PCDHGA3: variants seen among roughly 807,000 people sequenced by gnomAD.
PCDHGA3 encodes protocadherin gamma-A3.
A neutral mutation model predicts 58.5 loss-of-function variants in PCDHGA3; 40 were observed. That is an observed-to-expected ratio of 0.68 (90% CI 0.53 to 0.89). The LOEUF (loss-of-function observed/expected upper bound fraction) is 0.89, where lower values mean the gene tolerates loss of function less well. Among genes scored for constraint, PCDHGA3 ranks in the 40% least tolerant of loss-of-function variants. The pLI is 0.00. For synonymous variants in PCDHGA3, 530 were observed against 525.7 expected (o/e 1.01, Z -0.11); for missense variants, 1,223 against 1,195.9 (o/e 1.02, Z -0.33).
At chr5:141,408,712 T>G in intron 1 of PCDHGA3, 1 of 1,612,332 alleles carries the variant, frequency 6.2e-7, no homozygotes, top group Non-Finnish European at 8.5e-7. Flanking sequence ...TTAAAGATTA[T>G]AAGATAAACT....
intron 1 of PCDHGA3, chr5:141,357,104 G>A: frequency 6.2e-7 from 1 of 1,613,888 alleles, no homozygotes; most frequent in South Asian, 1.1e-5. Flanking sequence ...CTGCTGGACA[G>A]AGACGCGCTC....
intron 3 of PCDHGA3, among the ~76,000 whole-genome samples, chr5:141,506,300 T>G (rs2099852124): frequency 6.6e-6 from 1 of 151,976 alleles, no homozygotes; most frequent in East Asian, 1.9e-4. Flanking sequence ...AATACAAAAA[T>G]TAGCTGGGCA....
chr5:141,357,080 G>T (rs1760455892), intron 1 of PCDHGA3: 2 of 1,613,924 alleles, frequency 1.2e-6, no homozygotes, highest in Non-Finnish European at 1.7e-6. Context: ...GGCGAGGTGC[G>T]CACCGCACGG....
chr5:141,428,156 C>G, intron 1 of PCDHGA3: 2 of 1,579,884 alleles, frequency 1.3e-6, no homozygotes, highest in Non-Finnish European at 1.7e-6. Flanking sequence ...CGGGAACCTG[C>G]TGGTTGCTGT....
In PCDHGA3 at chr5:141,345,433, G is replaced by T. The variant is rs1297529679; in HGVS notation, c.1400G>T (p.Arg467Ile). 6.2e-7 allele frequency: 1 copy of T among 1,613,934 alleles called. No homozygotes were observed. Among genetic ancestry groups the T allele is most frequent in the African/African-American group, 1.3e-5 (1 of 74,926 alleles). The stretch of plus-strand genomic sequence containing the variant: ...GCCTACATTCCAGAAAACAACCCCA[G>T]AGGAGCCTCCATCTTCTCAGTGACA... ...YSAYIPENNP[R>I]GASIFSVTAQ... The change falls in exon 1 of 4, where the codon AGA becomes ATA. Residue 467 changes from arginine to isoleucine, a missense_variant. Physicochemically the swap from Arg to Ile is moderately conservative, Grantham distance 97 (BLOSUM62 -3). Transcript: ENST00000253812.
At chr5:141,452,792 A>AT (rs745523252) in intron 1 of PCDHGA3, among the ~76,000 whole-genome samples, 15 of 152,178 alleles carry the variant, frequency 9.9e-5, no homozygotes, top group Admixed American at 2.0e-4. Context: ...ACATACCATC[A>AT]TTTTTGCTGT....
chr5:141,371,160 C>T, intron 1 of PCDHGA3: 4 of 1,614,022 alleles, frequency 2.5e-6, no homozygotes, highest in Non-Finnish European at 2.5e-6. Context: ...AGAGAACCTG[C>T]CCGCTGGCTC....
At chr5:141,361,998 G>A in intron 1 of PCDHGA3, 4 of 1,603,340 alleles carry the variant, frequency 2.5e-6, no homozygotes, top group Non-Finnish European at 2.5e-6. Flanking sequence ...GCCTGGGGTT[G>A]CGCACGGGTG....
At chr5:141,458,617 T>A (rs1392739721) in intron 1 of PCDHGA3, among the ~76,000 whole-genome samples, 6 of 152,170 alleles carry the variant, frequency 3.9e-5, no homozygotes, top group Non-Finnish European at 8.8e-5. Flanking sequence ...TCAGCCAGGC[T>A]GGAGTGCAGT....
rs1344567118 is a variant in PCDHGA3 at position 141,346,258 on chromosome 5, G to A, written c.2225G>A (p.Gly742Asp). 1.2e-6 allele frequency: 2 copies of A among 1,614,092 alleles called. No individual in the cohort carries two copies. Among genetic ancestry groups the A allele is most frequent in the African/African-American group, 1.3e-5 (1 of 74,950 alleles). ...AGTACGCCCGGCTCGCACTTTGTGGGCGCGGACGGGGTTCGGGCTTTCCTG... is the reference window on the plus strand; with the variant it reads ...AGTACGCCCGGCTCGCACTTTGTGGACGCGGACGGGGTTCGGGCTTTCCTG... ...LASTPGSHFVGADGVRAFLQT... is the reference protein window; with the variant it reads ...LASTPGSHFVDADGVRAFLQT... The change falls in exon 1 of 4, where the codon GGC becomes GAC. Residue 742 changes from glycine (G) to aspartate (D), a missense_variant. Around this residue, in one of 3 missense-constraint regions of PCDHGA3, gnomAD observed 325 missense variants for 327.5 expected, o/e 0.99. Coordinates refer to ENST00000253812, the MANE Select transcript of PCDHGA3 (RefSeq NM_018916.4).
At chr5:141,376,815 T>C in intron 1 of PCDHGA3, 1 of 299,046 alleles carries the variant, frequency 3.3e-6, no homozygotes, top group Admixed American at 4.9e-5. Context: ...GCCTCCCTAG[T>C]AGCTGGGACT....
Position 141,485,261 on chromosome 5 carries a change from C to G in PCDHGA3, c.2425-9546C>G, listed in dbSNP as rs759268725. 1 of 1,614,076 alleles carries G rather than the reference C, an allele frequency of 6.2e-7. No homozygotes were observed. The highest frequency in any genetic ancestry group is 8.5e-7 in the Non-Finnish European group (1 of 1,179,904). On this transcript the variant is annotated intron_variant, in intron 1 of 3. Transcript: ENST00000253812. This position sits in a 1 kb window ranked among gnomAD's most constrained non-coding sequence, Gnocchi z 5.7. The stretch of plus-strand genomic sequence containing the variant: ...TTACCACCTGGGTTACGTTTGTGGG[C>G]AGATCCGCTACCCGGTCCCAGAGGA...
At chr5:141,399,562 T>TTGAACGGCCAAGTCTCCTACTCTATCA in intron 1 of PCDHGA3, 1 of 1,614,016 alleles carries the variant, frequency 6.2e-7, no homozygotes, top group Non-Finnish European at 8.5e-7. Context: ...GGACTTGGGG[T>TTGAACGGCCAAGTCTCCTACTCTATCA]TGAACGGCCA....
chr5:141,350,755 G>C (rs1263428107), intron 1 of PCDHGA3: 2 of 1,613,806 alleles, frequency 1.2e-6, no homozygotes, highest in Non-Finnish European at 1.7e-6. Flanking sequence ...ATTCACTGAA[G>C]TTATACACCA....
chr5:141,473,349 T>G (rs2099319716), intron 1 of PCDHGA3, among the ~76,000 whole-genome samples: 1 of 152,232 alleles, frequency 6.6e-6, no homozygotes, highest in Non-Finnish European at 1.5e-5. Context: ...ACAGTGAGGA[T>G]GCAAGTGGCC....
Position 141,486,970 on chromosome 5 carries a change from T to G in PCDHGA3, c.2425-7837T>G, listed in dbSNP as rs754309905. 1 of 1,614,050 alleles carries G rather than the reference T, an allele frequency of 6.2e-7. No individual in the cohort carries two copies. Among genetic ancestry groups the G allele is most frequent in the African/African-American group, 1.3e-5 (1 of 74,904 alleles). ...CAAAGGTGACTGCTGTGGACTTGGATTCAGGTTACAATGCTTGGGTTTCCT... is the reference window on the plus strand; with the variant it reads ...CAAAGGTGACTGCTGTGGACTTGGAGTCAGGTTACAATGCTTGGGTTTCCT... On this transcript the variant is annotated intron_variant, in intron 1 of 3. Coordinates refer to ENST00000253812, the MANE Select transcript of PCDHGA3 (RefSeq NM_018916.4). This position sits in a 1 kb window ranked among gnomAD's most constrained non-coding sequence, Gnocchi z 5.0.
At chr5:141,510,158 A>G (rs1406170246) in intron 3 of PCDHGA3, among the ~76,000 whole-genome samples, 1 of 152,018 alleles carries the variant, frequency 6.6e-6, no homozygotes, top group African/African-American at 2.4e-5. Flanking sequence ...CTGTAATCTC[A>G]GCTACTCAGG....
At chr5:141,371,158 T>C in intron 1 of PCDHGA3, 1 of 1,614,040 alleles carries the variant, frequency 6.2e-7, no homozygotes, top group Non-Finnish European at 8.5e-7. Context: ...GCAGAGAACC[T>C]GCCCGCTGGC....
At chr5:141,422,588 C>A in intron 1 of PCDHGA3, 1 of 1,614,056 alleles carries the variant, frequency 6.2e-7, no homozygotes, top group South Asian at 1.1e-5. Flanking sequence ...CCCGTTTTTC[C>A]TCACTCCTCT....
Sources: gnomAD v4.1 joint callset for allele counts (sites outside exome capture counted in the v4.1 genomes callset) on GRCh38, gnomAD v4.1.1 for gene constraint, gnomAD v4.1.1 regional missense constraint, Gnocchi (gnomAD v3.1) non-coding constraint, MANE v1.5 for transcripts, NCBI Gene and HGNC (gene_info 2026-07-23, HGNC 2026-07-21) for gene names.